Variants in TRPS1 observed in about 807,000 individuals in gnomAD.
The protein encoded by TRPS1 is zinc finger transcription factor Trps1.
A neutral mutation model predicts 101.2 loss-of-function variants in TRPS1; 6 were observed. The observed-to-expected ratio is 0.06, with a 90% CI of 0.03 to 0.12. The LOEUF is 0.12. TRPS1 is among the 10% of genes least tolerant of loss of function. The probability of loss-of-function intolerance (pLI) is 1.00; values close to 1 mark genes in which losing one functional copy is unlikely to be tolerated. For missense variants in TRPS1, 1,363 were observed against 1,567.0 expected, an observed-to-expected ratio of 0.87 and a Z score of 2.20; for synonymous variants, 578 against 589.8, an observed-to-expected ratio of 0.98 and a Z score of 0.29.
rs373310856 is a variant in TRPS1, at chr8:115,619,399, C to T, written c.699G>A (p.Gln233=). 5 of 1,614,072 alleles carry T rather than the reference C, an allele frequency of 3.1e-6. No homozygotes were observed. The highest frequency in any genetic ancestry group is 2.2e-5 in the East Asian group (1 of 44,894). Residue 233 remains glutamine (Q), a synonymous_variant, in exon 3 of 7, where the codon CAG becomes CAA. Coordinates refer to ENST00000395715, the MANE Select transcript of TRPS1 (RefSeq NM_014112.5). The part of the protein sequence containing the change: ...PDPAPLSPEL[Q]DFKCNICGYG... ...ATCCACAGATATTGCATTTAAAGTC[C>T]TGAAGCTCTGGAGACAGAGGTGCCG...
chr8:115,544,578 C>T (rs1816528265), intron 5 of TRPS1, among the ~76,000 whole-genome samples: 1 of 152,126 alleles, frequency 6.6e-6, no homozygotes, highest in African/African-American at 2.4e-5. Flanking sequence ...AATTATTAGA[C>T]ATCCAGCAGC....
intron 3 of TRPS1, among the ~76,000 whole-genome samples, chr8:115,610,684 T>C (rs543608260): frequency 6.6e-6 from 1 of 152,322 alleles, no homozygotes; most frequent in South Asian, 2.1e-4. Flanking sequence ...TTATGCAGAT[T>C]TTTATTATTG....
chr8:115,667,728 TG>T lies in TRPS1; in HGVS notation c.-122+816del, dbSNP rs919415180. 585 of 1,104,506 alleles carry T rather than the reference TG, an allele frequency of 5.3e-4. 1 individual carries two copies. The African/African-American group carries it at 8.2e-3, about 16-fold the overall frequency. The allele number at this position is 1,104,506 out of a possible 1,614,324, so 68.4% of individuals were successfully genotyped here. A position where few individuals can be genotyped will look rare whatever the true frequency, so the allele number is the denominator to read the frequency against. On this transcript the variant is annotated intron_variant, in intron 1 of 6. Transcript: ENST00000395715. ...ACACCCGCCTTCTCCAGAGCCCAGC[TG>T]GGCCTTTAAGGGAAAAAAGTTTGAA... is the stretch of plus-strand genomic sequence containing the variant.
rs564140349 is a variant in TRPS1, at chr8:115,426,372, C to T, written c.2701-7920G>A. On this transcript the variant is annotated intron_variant, in intron 5 of 6. Coordinates refer to ENST00000395715, the MANE Select transcript of TRPS1 (RefSeq NM_014112.5). ...CATATTCTAAAAATAAAAATATCAGCGATGAAGACCTTTCTAGAAAAGTCC... is the reference window on the plus strand; with the variant it reads ...CATATTCTAAAAATAAAAATATCAGTGATGAAGACCTTTCTAGAAAAGTCC... Among the ~76,000 whole-genome samples, 6 of 151,996 alleles carry T rather than the reference C, an allele frequency of 3.9e-5. No homozygotes were observed. In the East Asian group the frequency reaches 7.7e-4, roughly 20 times the overall value.
At chr8:115,547,214 T>C (rs1462599082) in intron 5 of TRPS1, among the ~76,000 whole-genome samples, 1 of 152,206 alleles carries the variant, frequency 6.6e-6, no homozygotes, top group Non-Finnish European at 1.5e-5. Context: ...TTAAACTGAC[T>C]TTCTAAGCAT....
At chr8:115,630,205 C>T (rs1374297983) in intron 1 of TRPS1, among the ~76,000 whole-genome samples, 3 of 151,978 alleles carry the variant, frequency 2.0e-5, no homozygotes, top group African/African-American at 7.2e-5. Flanking sequence ...CTCTATTTTA[C>T]ACATTCACAT....
chr8:115,667,844 TC>T, intron 1 of TRPS1: 1 of 1,528,240 alleles, frequency 6.5e-7, no homozygotes, highest in Non-Finnish European at 8.8e-7. Flanking sequence ...TCTGAGACCC[TC>T]CCGACCCTCC....
chr8:115,655,325 T>A (rs998600904), intron 1 of TRPS1, among the ~76,000 whole-genome samples: 18 of 152,188 alleles, frequency 1.2e-4, no homozygotes, highest in Non-Finnish European at 2.4e-4. Flanking sequence ...TATTTCTCCA[T>A]AACAGAATGT....
intron 1 of TRPS1, among the ~76,000 whole-genome samples, chr8:115,644,347 AC>A (rs1271295226): frequency 6.6e-6 from 1 of 152,158 alleles, no homozygotes; most frequent in Admixed American, 6.5e-5. Flanking sequence ...TTGCTGCTTC[AC>A]CTTGTACTTT....
chr8:115,489,283 C>T (rs939043147), intron 5 of TRPS1, among the ~76,000 whole-genome samples: 6 of 152,164 alleles, frequency 3.9e-5, no homozygotes, highest in African/African-American at 1.4e-4. Context: ...TGTCCAGTTA[C>T]TCCCATTATA....
intron 5 of TRPS1, among the ~76,000 whole-genome samples, chr8:115,462,702 A>C (rs1286071710): frequency 6.7e-6 from 1 of 148,968 alleles, no homozygotes; most frequent in Admixed American, 6.8e-5. Flanking sequence ...AAAAGAAAAC[A>C]CACTTTTGAA....
rs1586248426 is a variant in TRPS1, at chr8:115,413,440, C to G, written c.*583G>C. ...GTCATGTTGCTTGCTGCACTCTAAC[C>G]AAGCCTAACCACAGCTCGCATTTCT... On this transcript the variant is annotated 3_prime_UTR_variant, in exon 7 of 7. Transcript: ENST00000395715. The G allele has an allele frequency of 6.5e-6, 1 of 152,934 alleles. No individual in the cohort carries two copies. The highest frequency in any genetic ancestry group is 2.4e-5 in the African/African-American group (1 of 41,424). The allele number at this position is 152,934 out of a possible 1,614,324, so 9.5% of individuals were successfully genotyped here.
At chr8:115,486,980 C>A (rs1189025156) in intron 5 of TRPS1, among the ~76,000 whole-genome samples, 2 of 152,162 alleles carry the variant, frequency 1.3e-5, no homozygotes, top group African/African-American at 4.8e-5. Context: ...TAAAAGGTGC[C>A]ATCTAGGGCT....
chr8:115,449,276 CT>C (rs557117966), intron 5 of TRPS1, among the ~76,000 whole-genome samples: 93 of 152,090 alleles, frequency 6.1e-4, no homozygotes, highest in Non-Finnish European at 1.2e-3. Flanking sequence ...TTCCTGATCA[CT>C]TTTCCAGTTC....
At chr8:115,584,573 T>C (rs1301584019) in intron 5 of TRPS1, among the ~76,000 whole-genome samples, 1 of 151,860 alleles carries the variant, frequency 6.6e-6, no homozygotes, top group Non-Finnish European at 1.5e-5. Flanking sequence ...TCTGAAACTA[T>C]AAACTTATAG....
At chr8:115,640,381 A>T in intron 1 of TRPS1, among the ~76,000 whole-genome samples, 1 of 152,216 alleles carries the variant, frequency 6.6e-6, no homozygotes, top group African/African-American at 2.4e-5. Context: ...GCATTTCCTT[A>T]AATCACTGAA....
At position 115,418,579 on chromosome 8, in the gene TRPS1, T is replaced by C. The variant is rs768239768; in HGVS notation, c.2701-127A>G. The C allele has an allele frequency of 3.1e-6, 4 of 1,282,196 alleles. No individual in the cohort carries two copies. The highest frequency in any genetic ancestry group is 1.2e-5 in the South Asian group (1 of 81,902). The allele number at this position is 1,282,196 out of a possible 1,614,324, so 79.4% of individuals were successfully genotyped here. On this transcript the variant is annotated intron_variant, in intron 5 of 6. Transcript: ENST00000395715. The surrounding 1 kb of genome is among the most constrained non-coding windows in gnomAD (Gnocchi z 4.3). Reference sequence around the variant, plus strand: ...CAGTATAAAACCACACTGCCCATAATGAGGTCAGGTTCAATTGTGTTTAAT... The same window carrying C: ...CAGTATAAAACCACACTGCCCATAACGAGGTCAGGTTCAATTGTGTTTAAT...
chr8:115,601,528 A>G (rs1237231653), intron 4 of TRPS1, among the ~76,000 whole-genome samples: 1 of 82 alleles, frequency 0.012, no homozygotes, highest in Non-Finnish European at 0.022. Flanking sequence ...TCAGAAACAG[A>G]TTAGAGATAA....
In TRPS1 at chr8:115,587,461, G is replaced by T. The variant is rs867076249; in HGVS notation, c.2240C>A (p.Ser747Tyr). ...ANGEEDGHAI[S>Y]TIKEEPKIDF... ...AATTTTGGGCTCCTCTTTGATGGTG[G>T]ATATGGCATGACCGTCCTCTTCGCC... The change falls in exon 5 of 7, where the codon TCC becomes TAC. Residue 747 changes from serine to tyrosine, a missense_variant. Physicochemically the swap from Ser to Tyr is moderately radical, Grantham distance 144 (BLOSUM62 -2). Around this residue, in one of 5 missense-constraint regions of TRPS1, gnomAD observed 1,020 missense variants for 1,073.0 expected, o/e 0.95. Transcript: ENST00000395715. The T allele has an allele frequency of 8.1e-6, 13 of 1,614,078 alleles. No homozygotes were observed. In the African/African-American group the frequency reaches 1.7e-4, roughly 22 times the overall value.
Sources: gnomAD v4.1 joint callset for allele counts (sites outside exome capture counted in the v4.1 genomes callset) on GRCh38, gnomAD v4.1.1 for gene constraint, gnomAD v4.1.1 regional missense constraint, Gnocchi (gnomAD v3.1) non-coding constraint, MANE v1.5 for transcripts, NCBI Gene and HGNC (gene_info 2026-07-23, HGNC 2026-07-21) for gene names.